The following EYS variants were observed in gnomAD, a reference collection of about 807,000 sequenced individuals.
EYS encodes EGF-like photoreceptor maintenance factor.
Under a neutral mutation model 282.1 loss-of-function variants are expected in EYS, and 250 were observed. That is an observed-to-expected ratio of 0.89 (90% CI 0.80 to 0.98). The LOEUF (loss-of-function observed/expected upper bound fraction) is 0.98, where lower values mean the gene tolerates loss of function less well. Among genes scored for constraint, EYS ranks in the 50% least tolerant of loss-of-function variants. The pLI is 0.00. For missense variants in EYS, 4,016 were observed against 3,709.0 expected (o/e 1.08, Z -2.15); for synonymous variants, 1,355 against 1,282.9 (o/e 1.06, Z -1.20).
intron 28 of EYS, chr6:64,400,388 T>C (rs1283588719): frequency 6.6e-6 from 1 of 152,036 alleles, no homozygotes; most frequent in Non-Finnish European, 1.5e-5. Flanking sequence ...TTCTCATACA[T>C]ATATTCAGAG....
At chr6:65,532,927 A>C (rs1767830834) in intron 2 of EYS, among the ~76,000 whole-genome samples, 1 of 152,096 alleles carries the variant, frequency 6.6e-6, no homozygotes, top group South Asian at 2.1e-4. Flanking sequence ...TTGTTTTAGG[A>C]TCTTTAAAAA....
At chr6:65,666,458 C>T (rs1214684117) in intron 1 of EYS, among the ~76,000 whole-genome samples, 1 of 151,774 alleles carries the variant, frequency 6.6e-6, no homozygotes, top group Non-Finnish European at 1.5e-5. Context: ...GATAATTATA[C>T]ATATGCTTTA....
chr6:64,127,112 C>A (rs907589004), intron 31 of EYS, among the ~76,000 whole-genome samples: 9 of 152,156 alleles, frequency 5.9e-5, no homozygotes, highest in Admixed American at 3.3e-4. Flanking sequence ...TAGGAACATA[C>A]AACTTTTAAA....
intron 24 of EYS, among the ~76,000 whole-genome samples, chr6:64,610,438 C>G (rs2149844223): frequency 7.8e-6 from 1 of 128,734 alleles, no homozygotes; most frequent in Middle Eastern, 5.6e-3. Flanking sequence ...GAGTCTCACT[C>G]TGTCGCCCAG....
chr6:64,035,551 C>T lies in EYS; in HGVS notation c.6725+30787G>A, dbSNP rs1770076367. On this transcript the variant is annotated intron_variant, in intron 33 of 42. Coordinates refer to ENST00000503581, the MANE Select transcript of EYS (RefSeq NM_001142800.2). ...AAGCCTAGGTTATGTTTAGTTTCACCTGCCTATGAAGAAGTAATACACTTT... is the reference window on the plus strand; with the variant it reads ...AAGCCTAGGTTATGTTTAGTTTCACTTGCCTATGAAGAAGTAATACACTTT... Among the ~76,000 whole-genome samples, 6 of 152,114 alleles carry T rather than the reference C, an allele frequency of 3.9e-5. No individual in the cohort carries two copies. In the South Asian group the frequency reaches 1.2e-3, roughly 32 times the overall value.
chr6:64,100,100 A>T (rs1048499997), intron 31 of EYS, among the ~76,000 whole-genome samples: 2 of 151,940 alleles, frequency 1.3e-5, no homozygotes, highest in Non-Finnish European at 2.9e-5. Context: ...TTCTAGACTG[A>T]TATTTAGCTT....
At chr6:64,631,948 A>C (rs1043924049) in intron 22 of EYS, among the ~76,000 whole-genome samples, 1 of 152,036 alleles carries the variant, frequency 6.6e-6, no homozygotes, top group African/African-American at 2.4e-5. Flanking sequence ...ACATTAAAAA[A>C]CAATTAAATT....
At chr6:64,741,974 T>C in intron 22 of EYS, among the ~76,000 whole-genome samples, 1 of 152,178 alleles carries the variant, frequency 6.6e-6, no homozygotes, top group East Asian at 1.9e-4. Context: ...TTAATTTTCT[T>C]CAAATATTTT....
chr6:65,563,080 C>G (rs1402371498), intron 2 of EYS, among the ~76,000 whole-genome samples: 1 of 152,072 alleles, frequency 6.6e-6, no homozygotes, highest in Admixed American at 6.6e-5. Flanking sequence ...CATCCAACTG[C>G]TTCTTTTTAC....
chr6:65,264,551 C>T (rs975070040), intron 12 of EYS, among the ~76,000 whole-genome samples: 4 of 151,808 alleles, frequency 2.6e-5, no homozygotes, highest in African/African-American at 4.8e-5. Context: ...TGGGTACTTT[C>T]GGCCATTTTA....
At chr6:64,857,281 C>T (rs550115198) in intron 19 of EYS, among the ~76,000 whole-genome samples, 2 of 152,260 alleles carry the variant, frequency 1.3e-5, no homozygotes, top group Non-Finnish European at 2.9e-5. Flanking sequence ...TTAAATCCCT[C>T]TCTCCTTTTG....
rs578262489 is a variant in EYS, at chr6:65,412,748, A to G, written c.863-7381T>C. ...TCTATATATGAGTCCTTTGTCATAT[A>G]TGTGGTTTGCAAGCCTATCACTTGT... On this transcript the variant is annotated intron_variant, in intron 5 of 42. Transcript: ENST00000503581. Among the ~76,000 whole-genome samples the G allele has an allele frequency of 2.0e-5, 3 of 152,246 alleles. No individual in the cohort carries two copies. In the South Asian group the frequency reaches 6.2e-4, roughly 32 times the overall value.
intron 36 of EYS, among the ~76,000 whole-genome samples, chr6:63,856,377 G>A (rs886260588): frequency 5.9e-5 from 9 of 152,128 alleles, no homozygotes; most frequent in East Asian, 1.9e-4. Context: ...TGCTTCTGTC[G>A]GAAGGGAGAA....
At chr6:64,375,891 T>G (rs1404632049) in intron 29 of EYS, among the ~76,000 whole-genome samples, 3 of 152,046 alleles carry the variant, frequency 2.0e-5, no homozygotes, top group Admixed American at 1.3e-4. Flanking sequence ...AATGCAAGAG[T>G]ATCCTTTTGT....
intron 33 of EYS, among the ~76,000 whole-genome samples, chr6:64,048,384 T>C (rs1366328132): frequency 6.6e-6 from 1 of 152,120 alleles, no homozygotes; most frequent in Non-Finnish European, 1.5e-5. Context: ...GTGACTTTGG[T>C]TCTGCATGGC....
rs188318142 is a variant in EYS at position 64,525,576 on chromosome 6, G to A, written c.5644+64647C>T. Reference sequence around the variant, plus strand: ...CAGAAAAAATAATACTTGGTACTGGGCTTAGTACCTGGGTGATGAAATAAT... The same window carrying A: ...CAGAAAAAATAATACTTGGTACTGGACTTAGTACCTGGGTGATGAAATAAT... On this transcript the variant is annotated intron_variant, in intron 26 of 42. Transcript: ENST00000503581. Among the ~76,000 whole-genome samples, 17 of 151,692 alleles carry A rather than the reference G, an allele frequency of 1.1e-4. No homozygotes were observed. The East Asian group carries it at 3.3e-3, about 29-fold the overall frequency.
chr6:64,237,005 A>T (rs1437057669), intron 30 of EYS, among the ~76,000 whole-genome samples: 1 of 152,098 alleles, frequency 6.6e-6, no homozygotes, highest in South Asian at 2.1e-4. Context: ...TCTTATAAGT[A>T]GTATGTACAT....
intron 1 of EYS, among the ~76,000 whole-genome samples, chr6:65,661,065 C>A (rs1195232874): frequency 6.6e-6 from 1 of 151,792 alleles, no homozygotes; most frequent in Admixed American, 6.6e-5. Flanking sequence ...AAGTGGTAGT[C>A]TTTTATTTGT....
At chr6:64,151,570 G>A (rs942353071) in intron 31 of EYS, among the ~76,000 whole-genome samples, 50 of 151,068 alleles carry the variant, frequency 3.3e-4, no homozygotes, top group Admixed American at 2.5e-3. Context: ...CCATGTTGGC[G>A]AGGATGGTCT....
Sources: allele counts gnomAD v4.1 joint callset (sites outside exome capture counted in the v4.1 genomes callset), GRCh38; gene constraint gnomAD v4.1.1; transcripts MANE v1.5; gene names NCBI Gene and HGNC (gene_info 2026-07-23, HGNC 2026-07-21).